HDAC4: variants seen among roughly 807,000 people sequenced by gnomAD.
The protein encoded by HDAC4 is histone deacetylase A.
HDAC4 carries 16 observed loss-of-function variants against 135.1 expected under a neutral mutation model. That is an observed-to-expected ratio of 0.12 (90% CI 0.08 to 0.18). HDAC4 has a LOEUF of 0.18. HDAC4 is among the 10% of genes least tolerant of loss of function. HDAC4 has a pLI of 1.00. For missense variants in HDAC4, 1,143 were observed against 1,511.8 expected (o/e 0.76, Z 4.05); for synonymous variants, 685 against 653.4 (o/e 1.05, Z -0.74).
At chr2:239,145,517 G>A (rs1200227431) in intron 7 of HDAC4, among the ~76,000 whole-genome samples, 2 of 152,234 alleles carry the variant, frequency 1.3e-5, no homozygotes, top group African/African-American at 4.8e-5. Flanking sequence ...GGAAGCACTA[G>A]GGATCTAAAG....
Position 239,352,806 on chromosome 2 carries a change from G to A in HDAC4, c.-107C>T, listed in dbSNP as rs1355793910. 1 of 1,115,432 alleles carries A rather than the reference G, an allele frequency of 9.0e-7. No homozygotes were observed. Among genetic ancestry groups the A allele is most frequent in the Non-Finnish European group, 1.3e-6 (1 of 750,904 alleles). 69.1% of individuals were successfully genotyped at this position (1,115,432 alleles called of 1,614,324 possible). A position where few individuals can be genotyped will look rare whatever the true frequency, so the allele number is the denominator to read the frequency against. ...TCCCACCAACACATACAAGTACCGG[G>A]ACGGTGAGGGCTGGGTCACAGACGT... On this transcript the variant is annotated 5_prime_UTR_variant, in exon 2 of 27. Transcript: ENST00000543185. The surrounding 1 kb of genome is among the most constrained non-coding windows in gnomAD (Gnocchi z 4.4).
rs566686281 is a variant in HDAC4 at position 239,400,185 on chromosome 2, T to A, written c.-220+793A>T. ...CGCCCTGCGGGCTGAGCCGAGCGGG[T>A]CCCGGGCAGCCCCCCGCCCTCCCGC... On this transcript the variant is annotated intron_variant, in intron 1 of 26. Coordinates refer to ENST00000543185, the MANE Select transcript of HDAC4 (RefSeq NM_001378414.1). The surrounding 1 kb of genome is among the most constrained non-coding windows in gnomAD (Gnocchi z 4.7). Among the ~76,000 whole-genome samples, 611 of 150,380 alleles carry A rather than the reference T, an allele frequency of 4.1e-3. 3 individuals are homozygous for A. The highest frequency in any genetic ancestry group is 0.014 in the African/African-American group (572 of 40,706).
At chr2:239,072,324 A>G (rs1244007741) in intron 22 of HDAC4, among the ~76,000 whole-genome samples, 2 of 152,238 alleles carry the variant, frequency 1.3e-5, no homozygotes, top group Non-Finnish European at 2.9e-5. Flanking sequence ...CGAACTTTTA[A>G]AAGTCTCCTG....
intron 15 of HDAC4, 148 bp from the exon 16 acceptor site, chr2:239,103,044 G>C: frequency 1.2e-6 from 1 of 853,114 alleles, no homozygotes; most frequent in South Asian, 1.6e-5. Context: ...TGCAAAAGAA[G>C]AAGCAACATC....
intron 2 of HDAC4, among the ~76,000 whole-genome samples, chr2:239,249,442 A>G (rs2124919662): frequency 6.6e-6 from 1 of 152,312 alleles, no homozygotes; most frequent in East Asian, 1.9e-4. Flanking sequence ...GAAGACAGAG[A>G]GACTTGAGTG....
chr2:239,350,101 G>C (rs1334442751), intron 2 of HDAC4, among the ~76,000 whole-genome samples: 1 of 152,166 alleles, frequency 6.6e-6, no homozygotes, highest in Non-Finnish European at 1.5e-5. Flanking sequence ...GGCCTGAAAA[G>C]GTTAGAGACA....
rs2106590317 is a variant in HDAC4 at position 239,066,808 on chromosome 2, T to C, written c.2917A>G (p.Ile973Val). Reference protein sequence around the residue: ...KQLMGLAGGRIVLALEGGHDL... With the variant: ...KQLMGLAGGRVVLALEGGHDL... Reference sequence around the variant, plus strand: ...TGGCCTCCCTCGAGGGCCAGGACAATCCGGCCGCCAGCCAGGCCCATCAGC... The same window carrying C: ...TGGCCTCCCTCGAGGGCCAGGACAACCCGGCCGCCAGCCAGGCCCATCAGC... Residue 973 changes from isoleucine to valine, a missense_variant, in exon 24 of 27, where the codon ATT becomes GTT. Ile to Val is a conservative substitution (Grantham distance 29). Coordinates refer to ENST00000543185, the MANE Select transcript of HDAC4 (RefSeq NM_001378414.1). 2 of 1,613,358 alleles carry C rather than the reference T, an allele frequency of 1.2e-6. No homozygotes were observed. Among genetic ancestry groups the C allele is most frequent in the Non-Finnish European group, 1.7e-6 (2 of 1,179,922 alleles).
At chr2:239,254,402 GACA>G (rs1413707612) in intron 2 of HDAC4, among the ~76,000 whole-genome samples, 1 of 141,174 alleles carries the variant, frequency 7.1e-6, no homozygotes, top group Non-Finnish European at 1.5e-5. Flanking sequence ...ATGTGGAAAA[GACA>G]ACAAGCTGCG....
intron 2 of HDAC4, among the ~76,000 whole-genome samples, chr2:239,268,394 G>T (rs1183892861): frequency 6.6e-6 from 1 of 152,206 alleles, no homozygotes; most frequent in Non-Finnish European, 1.5e-5. Flanking sequence ...ATTTTTCTCA[G>T]GATAAAGTGT....
At chr2:239,132,269 C>T (rs892807503) in intron 11 of HDAC4, among the ~76,000 whole-genome samples, 4 of 152,212 alleles carry the variant, frequency 2.6e-5, no homozygotes, top group Non-Finnish European at 4.4e-5. Context: ...AGAGCATAAG[C>T]GGCTTCCCAG....
In HDAC4 at chr2:239,081,204, A is replaced by G; in HGVS notation, c.2653-12T>C. On this transcript the variant is annotated splice_polypyrimidine_tract_variant and intron_variant, in intron 21 of 26. Coordinates refer to ENST00000543185, the MANE Select transcript of HDAC4 (RefSeq NM_001378414.1). The stretch of plus-strand genomic sequence containing the variant: ...GGCCCTGTGCCCACCTGTGGCCAGA[A>G]GGAGAGAAACACACGTCATGGACCC... The G allele has an allele frequency of 1.2e-6, 2 of 1,609,894 alleles. No individual in the cohort carries two copies. Among genetic ancestry groups the G allele is most frequent in the Non-Finnish European group, 1.7e-6 (2 of 1,177,782 alleles).
intron 3 of HDAC4, among the ~76,000 whole-genome samples, chr2:239,194,954 C>A (rs1349973811): frequency 6.6e-6 from 1 of 152,202 alleles, no homozygotes; most frequent in Non-Finnish European, 1.5e-5. Context: ...CAGCTCGGTG[C>A]GCGTCTCCCT....
chr2:239,280,887 CACAATGTACACACCACTCT>C (rs2050678780), intron 2 of HDAC4, among the ~76,000 whole-genome samples: 1 of 149,048 alleles, frequency 6.7e-6, no homozygotes, highest in South Asian at 2.1e-4. Flanking sequence ...CCACTCTCCA[CACAATGTACACACCACTCT>C]ACAATGTACA....
At chr2:239,222,579 A>G (rs1221117046) in intron 3 of HDAC4, among the ~76,000 whole-genome samples, 2 of 150,250 alleles carry the variant, frequency 1.3e-5, no homozygotes, top group African/African-American at 4.9e-5. Context: ...TTAAGTTCTC[A>G]TACAGAAGCG....
At chr2:239,064,212 G>C (rs2033177206) in intron 24 of HDAC4, among the ~76,000 whole-genome samples, 1 of 152,236 alleles carries the variant, frequency 6.6e-6, no homozygotes, top group Non-Finnish European at 1.5e-5. Context: ...GGTGTGCTTG[G>C]CCTTCAGGCC....
At chr2:239,395,445 C>A (rs1446100405) in intron 1 of HDAC4, among the ~76,000 whole-genome samples, 2 of 152,156 alleles carry the variant, frequency 1.3e-5, no homozygotes, top group Non-Finnish European at 2.9e-5. Context: ...AAAACAAATG[C>A]CCCTAAATTC....
intron 3 of HDAC4, among the ~76,000 whole-genome samples, chr2:239,213,651 C>T (rs924529942): frequency 4.6e-5 from 7 of 152,226 alleles, no homozygotes; most frequent in Admixed American, 6.5e-5. Flanking sequence ...GATGTGCTTA[C>T]GCTGGAAAAC....
At chr2:239,228,888 T>C (rs1303307332) in intron 3 of HDAC4, among the ~76,000 whole-genome samples, 2 of 152,112 alleles carry the variant, frequency 1.3e-5, no homozygotes, top group African/African-American at 4.8e-5. Flanking sequence ...ACACCTGTAA[T>C]CCCAGCACTT....
chr2:239,272,275 T>C (rs151115231), intron 2 of HDAC4, among the ~76,000 whole-genome samples: 23 of 152,250 alleles, frequency 1.5e-4, no homozygotes, highest in African/African-American at 4.8e-4. Context: ...ATGTCTCTGA[T>C]AGGACACCAA....
Sources: gnomAD v4.1 joint callset for allele counts (sites outside exome capture counted in the v4.1 genomes callset) on GRCh38, gnomAD v4.1.1 for gene constraint, Gnocchi (gnomAD v3.1) non-coding constraint, MANE v1.5 for transcripts, NCBI Gene and HGNC (gene_info 2026-07-23, HGNC 2026-07-21) for gene names.